SDK1: variants seen among roughly 807,000 people sequenced by gnomAD.
SDK1 encodes sidekick cell adhesion molecule 1.
A neutral mutation model predicts 245.5 loss-of-function variants in SDK1; 157 were observed. The ratio of observed to expected loss-of-function variants is 0.64; its 90% CI spans 0.56 to 0.73. The LOEUF is 0.73. Among genes scored for constraint, SDK1 ranks in the 30% least tolerant of loss-of-function variants. The probability of loss-of-function intolerance (pLI) is 0.00; values close to 1 mark genes in which losing one functional copy is unlikely to be tolerated. For synonymous variants in SDK1, 1,647 were observed against 1,278.5 expected (o/e 1.29, Z -6.15); for missense variants, 3,583 against 3,002.3 (o/e 1.19, Z -4.52).
chr7:3,753,769 G>A (rs1362071994), intron 4 of SDK1, among the ~76,000 whole-genome samples: 2 of 152,130 alleles, frequency 1.3e-5, no homozygotes, highest in Non-Finnish European at 2.9e-5. Context: ...GACTGAATAT[G>A]GCTGAGTATG....
intron 5 of SDK1, among the ~76,000 whole-genome samples, chr7:3,925,034 T>C (rs2128114703): frequency 6.6e-6 from 1 of 152,294 alleles, no homozygotes; most frequent in Non-Finnish European, 1.5e-5. Context: ...GACAACTGAT[T>C]TGTCAGCTCA....
chr7:4,042,701 C>T (rs1355024304), intron 17 of SDK1, among the ~76,000 whole-genome samples: 1 of 152,174 alleles, frequency 6.6e-6, no homozygotes, highest in African/African-American at 2.4e-5. Flanking sequence ...CCCCTTTTGC[C>T]TTGACTTTTC....
chr7:3,591,700 A>G (rs769152085), intron 1 of SDK1, among the ~76,000 whole-genome samples: 8 of 152,174 alleles, frequency 5.3e-5, no homozygotes, highest in African/African-American at 1.4e-4. Flanking sequence ...GCTGGAAGCT[A>G]TTTGTATTCT....
At chr7:3,810,253 A>C (rs1779353057) in intron 4 of SDK1, among the ~76,000 whole-genome samples, 1 of 152,014 alleles carries the variant, frequency 6.6e-6, no homozygotes, top group Non-Finnish European at 1.5e-5. Flanking sequence ...ATTTGACTGG[A>C]TTTTACACTC....
At chr7:4,099,724 G>A (rs575634992) in intron 22 of SDK1, among the ~76,000 whole-genome samples, 1 of 146,298 alleles carries the variant, frequency 6.8e-6, no homozygotes, top group Admixed American at 6.9e-5. Flanking sequence ...ATGCACCGTG[G>A]GCAGGGCCAA....
At chr7:4,096,578 A>G (rs1416893586) in intron 22 of SDK1, among the ~76,000 whole-genome samples, 2 of 152,174 alleles carry the variant, frequency 1.3e-5, no homozygotes, top group Non-Finnish European at 2.9e-5. Flanking sequence ...TGGGACTAGC[A>G]CATATTAGAC....
At chr7:3,665,346 G>A (rs1783492985) in intron 4 of SDK1, among the ~76,000 whole-genome samples, 1 of 152,204 alleles carries the variant, frequency 6.6e-6, no homozygotes, top group Admixed American at 6.5e-5. Flanking sequence ...GTTAACATTA[G>A]AGAAAACTTG....
At position 3,600,402 on chromosome 7, in the gene SDK1, TG is replaced by T. The variant is rs1781216143; in HGVS notation, c.299-18677del. Among the ~76,000 whole-genome samples the T allele has an allele frequency of 2.0e-5, 3 of 152,180 alleles. No homozygotes were observed. The South Asian group carries it at 6.2e-4, about 32-fold the overall frequency. Reference sequence around the variant, plus strand: ...CAATTTTAGTTCTTTCCTTCCAGTATGTACATCTTTTATTTATTTTTATTCA... The same window carrying T: ...CAATTTTAGTTCTTTCCTTCCAGTATTACATCTTTTATTTATTTTTATTCA... On this transcript the variant is annotated intron_variant, in intron 1 of 44. Coordinates refer to ENST00000404826, the MANE Select transcript of SDK1 (RefSeq NM_152744.4).
chr7:4,110,808 A>G (rs1783291382), intron 23 of SDK1, 36 bp downstream of exon 23: 1 of 1,461,952 alleles, frequency 6.8e-7, no homozygotes, highest in South Asian at 1.1e-5. Flanking sequence ...ACAGGAGGAA[A>G]CACTGGCAGC....
chr7:3,961,073 G>T (rs1460574477), intron 8 of SDK1, among the ~76,000 whole-genome samples: 2 of 152,186 alleles, frequency 1.3e-5, no homozygotes, highest in Admixed American at 6.6e-5. Context: ...CACGACTTCT[G>T]CAGGGTAAAC....
At chr7:4,020,769 C>T (rs745969297) in intron 17 of SDK1, among the ~76,000 whole-genome samples, 1 of 152,212 alleles carries the variant, frequency 6.6e-6, no homozygotes, top group African/African-American at 2.4e-5. Flanking sequence ...ATATTTACTA[C>T]TAATGTGCCT....
chr7:3,941,879 C>T (rs957339503), intron 5 of SDK1, among the ~76,000 whole-genome samples: 2 of 151,684 alleles, frequency 1.3e-5, no homozygotes, highest in Admixed American at 1.3e-4. Context: ...TGATAACCAG[C>T]CGTGGTATAT....
intron 4 of SDK1, among the ~76,000 whole-genome samples, chr7:3,787,930 A>G (rs887717487): frequency 3.3e-5 from 5 of 152,186 alleles, no homozygotes; most frequent in Admixed American, 6.6e-5. Context: ...CACAGAAGCC[A>G]CTCTCAGAAG....
intron 5 of SDK1, among the ~76,000 whole-genome samples, chr7:3,853,121 C>G (rs1044692353): frequency 6.6e-6 from 1 of 151,750 alleles, no homozygotes; most frequent in Non-Finnish European, 1.5e-5. Flanking sequence ...CCTGTGAATA[C>G]TGTATTTTCA....
chr7:3,835,257 G>C (rs953376552), intron 5 of SDK1, among the ~76,000 whole-genome samples: 3 of 152,122 alleles, frequency 2.0e-5, no homozygotes, highest in Non-Finnish European at 1.5e-5. Flanking sequence ...AAGATAGAAG[G>C]CGTGTCCACA....
At chr7:3,668,723 G>A (rs1441635429) in intron 4 of SDK1, among the ~76,000 whole-genome samples, 13 of 152,164 alleles carry the variant, frequency 8.5e-5, no homozygotes, top group East Asian at 1.9e-4. Flanking sequence ...CCTGGGAGGC[G>A]GAGTTTGCAG....
At chr7:3,607,769 G>A (rs1476581588) in intron 1 of SDK1, among the ~76,000 whole-genome samples, 3 of 152,210 alleles carry the variant, frequency 2.0e-5, no homozygotes, top group Non-Finnish European at 4.4e-5. Context: ...GTAGGAAGAT[G>A]CAATTTCATT....
intron 22 of SDK1, among the ~76,000 whole-genome samples, chr7:4,087,085 G>C (rs910034445): frequency 6.6e-6 from 1 of 151,470 alleles, no homozygotes; most frequent in Non-Finnish European, 1.5e-5. Context: ...CATGCCTCTG[G>C]TTTTTGAATC....
intron 32 of SDK1, among the ~76,000 whole-genome samples, chr7:4,166,417 A>T (rs1375689961): frequency 6.6e-6 from 1 of 152,226 alleles, no homozygotes; most frequent in East Asian, 1.9e-4. Flanking sequence ...GAACGAAACT[A>T]ACTCTGGCCA....
Sources: allele counts gnomAD v4.1 joint callset (sites outside exome capture counted in the v4.1 genomes callset), GRCh38; gene constraint gnomAD v4.1.1; transcripts MANE v1.5; gene names NCBI Gene and HGNC (gene_info 2026-07-23, HGNC 2026-07-21).